EGFR: variants seen among roughly 807,000 people sequenced by gnomAD.
EGFR encodes epidermal growth factor receptor, also known as avian erythroblastic leukemia viral (v-erb-b) oncogene homolog.
EGFR carries 58 observed loss-of-function variants against 143.0 expected under a neutral mutation model. That is an observed-to-expected ratio of 0.41 (90% CI 0.33 to 0.50). EGFR has a LOEUF of 0.50. Ranked by LOEUF, EGFR falls within the 20% of genes least tolerant of loss-of-function variation. EGFR has a pLI of 0.39. For missense variants in EGFR, 1,307 were observed against 1,579.0 expected, an observed-to-expected ratio of 0.83 and a Z score of 2.92; for synonymous variants, 613 against 594.4, an observed-to-expected ratio of 1.03 and a Z score of -0.45.
intron 1 of EGFR, among the ~76,000 whole-genome samples, chr7:55,097,205 G>T (rs1187895973): frequency 6.6e-6 from 1 of 151,826 alleles, no homozygotes; most frequent in Non-Finnish European, 1.5e-5. Flanking sequence ...ACCCCCAGGT[G>T]ATTCTGGTGG....
intron 20 of EGFR, among the ~76,000 whole-genome samples, chr7:55,189,935 A>G (rs967836959): frequency 2.9e-4 from 44 of 152,292 alleles, no homozygotes; most frequent in African/African-American, 8.7e-4. Context: ...GCAGGAGTTC[A>G]TGATATTTAA....
Position 55,022,309 on chromosome 7 carries a change from C to T in EGFR, c.88+2944C>T, listed in dbSNP as rs530759333. Reference sequence around the variant, plus strand: ...AGGGAGCTTTGTGGAAATAAGCCCGCCCAGCCCCACTTCTGGAGACGTTCC... The same window carrying T: ...AGGGAGCTTTGTGGAAATAAGCCCGTCCAGCCCCACTTCTGGAGACGTTCC... On this transcript the variant is annotated intron_variant, in intron 1 of 27. Transcript: ENST00000275493. Among the ~76,000 whole-genome samples, 6 of 152,292 alleles carry T rather than the reference C, an allele frequency of 3.9e-5. No homozygotes were observed. The South Asian group carries it at 1.2e-3, about 32-fold the overall frequency.
intron 1 of EGFR, among the ~76,000 whole-genome samples, chr7:55,021,643 T>A (rs941979501): frequency 1.3e-5 from 2 of 152,182 alleles, no homozygotes; most frequent in Non-Finnish European, 2.9e-5. Context: ...CAGAAATTTG[T>A]TTAAGGCCTG....
At chr7:55,169,808 A>C (rs1786255225) in intron 15 of EGFR, among the ~76,000 whole-genome samples, 2 of 152,176 alleles carry the variant, frequency 1.3e-5, no homozygotes, top group South Asian at 4.2e-4. Context: ...CTTTCCCTAC[A>C]AGTCTGTCAC....
At chr7:55,190,531 TGC>T (rs1246486764) in intron 20 of EGFR, among the ~76,000 whole-genome samples, 3 of 152,106 alleles carry the variant, frequency 2.0e-5, no homozygotes, top group African/African-American at 7.2e-5. Context: ...AAAAACAATT[TGC>T]CAGAAAACTT....
intron 1 of EGFR, among the ~76,000 whole-genome samples, chr7:55,139,102 T>C (rs1035874384): frequency 2.0e-5 from 3 of 152,176 alleles, no homozygotes; most frequent in Admixed American, 2.0e-4. Context: ...GTTGCATTGG[T>C]GATTAAGTTT....
At chr7:55,110,690 G>A (rs888327423) in intron 1 of EGFR, among the ~76,000 whole-genome samples, 3 of 152,138 alleles carry the variant, frequency 2.0e-5, no homozygotes, top group South Asian at 2.1e-4. Context: ...TTTCCTGTTC[G>A]GATCCGGAAG....
chr7:55,168,331 A>G (rs193103530), intron 15 of EGFR, among the ~76,000 whole-genome samples: 1 of 152,352 alleles, frequency 6.6e-6, no homozygotes, highest in East Asian at 1.9e-4. Flanking sequence ...TCTCTATATC[A>G]GTATCTCTGT....
rs17172456 is a variant in EGFR at position 55,210,654 on chromosome 7, A to C, written c.*5037A>C. On this transcript the variant is annotated 3_prime_UTR_variant, in exon 28 of 28. Coordinates refer to ENST00000275493, the MANE Select transcript of EGFR (RefSeq NM_005228.5). The stretch of plus-strand genomic sequence containing the variant: ...CCTCCACATCTGTCGCTGAGAGTCA[A>C]GAACCTGAACAGAGTTTCCATGAAG... 4.2e-3 allele frequency: 635 copies of C among 152,374 alleles called. 4 individuals carry two copies. Among genetic ancestry groups the C allele is most frequent in the African/African-American group, 0.013 (555 of 41,576 alleles). 9.4% of individuals were successfully genotyped at this position (152,374 alleles called of 1,614,324 possible).
At chr7:55,072,210 G>A (rs1380189735) in intron 1 of EGFR, among the ~76,000 whole-genome samples, 8 of 152,086 alleles carry the variant, frequency 5.3e-5, no homozygotes, top group Admixed American at 5.2e-4. Flanking sequence ...ATCAGTTTAA[G>A]CGTTGTAGCT....
chr7:55,019,555 G>T (rs918930180), intron 1 of EGFR, among the ~76,000 whole-genome samples, 190 bp downstream of exon 1: 3 of 152,132 alleles, frequency 2.0e-5, no homozygotes, highest in African/African-American at 7.2e-5. Flanking sequence ...CTTCGGCCGG[G>T]AGAGTCTGGG....
chr7:55,125,303 G>A (rs1362537309), intron 1 of EGFR, among the ~76,000 whole-genome samples: 1 of 152,214 alleles, frequency 6.6e-6, no homozygotes, highest in Non-Finnish European at 1.5e-5. Flanking sequence ...CTAATTATTA[G>A]TCATAAGTTG....
chr7:55,125,835 T>C (rs569929422), intron 1 of EGFR, among the ~76,000 whole-genome samples: 4 of 152,210 alleles, frequency 2.6e-5, no homozygotes, highest in Non-Finnish European at 5.9e-5. Context: ...AGAGGCATTC[T>C]TAAAAACACA....
At chr7:55,061,994 A>G (rs1789212672) in intron 1 of EGFR, among the ~76,000 whole-genome samples, 2 of 152,182 alleles carry the variant, frequency 1.3e-5, no homozygotes, top group Admixed American at 1.3e-4. Flanking sequence ...TAACTGCTCA[A>G]GGCCATGGAA....
At chr7:55,062,866 A>C (rs1439229472) in intron 1 of EGFR, among the ~76,000 whole-genome samples, 1 of 152,116 alleles carries the variant, frequency 6.6e-6, no homozygotes, top group East Asian at 1.9e-4. Flanking sequence ...TACGAGATGA[A>C]TCTTACCATG....
rs117231319 is a variant in EGFR at position 55,021,843 on chromosome 7, G to C, written c.88+2478G>C. 4.7e-3 allele frequency among the ~76,000 whole-genome samples: 721 copies of C among 152,280 alleles called. 5 individuals are homozygous for C. The highest frequency in any genetic ancestry group is 0.032 in the South Asian group (152 of 4,824). The stretch of plus-strand genomic sequence containing the variant: ...ACTCTCCTCCTATGGGGGAAACTGA[G>C]GTACGAAGAACTAAAGTGACTTTCC... On this transcript the variant is annotated intron_variant, in intron 1 of 27. Transcript: ENST00000275493.
chr7:55,200,874 G>A (rs1044043395), intron 24 of EGFR: 26 of 492,444 alleles, frequency 5.3e-5, no homozygotes, highest in Non-Finnish European at 8.5e-5. Flanking sequence ...TGCAAAATAC[G>A]CTCCCTAACA....
At chr7:55,020,025 G>C (rs1281950589) in intron 1 of EGFR, among the ~76,000 whole-genome samples, 1 of 152,220 alleles carries the variant, frequency 6.6e-6, no homozygotes, top group Non-Finnish European at 1.5e-5. Context: ...GTGTGGAGTC[G>C]CAGCCTCGAC....
At chr7:55,106,390 C>T (rs1427976514) in intron 1 of EGFR, among the ~76,000 whole-genome samples, 2 of 152,360 alleles carry the variant, frequency 1.3e-5, no homozygotes, top group Admixed American at 6.5e-5. Context: ...TAGTAAGTCC[C>T]TCCAGTGGGG....
Sources: gnomAD v4.1 joint callset for allele counts (sites outside exome capture counted in the v4.1 genomes callset) on GRCh38, gnomAD v4.1.1 for gene constraint, MANE v1.5 for transcripts, NCBI Gene and HGNC (gene_info 2026-07-23, HGNC 2026-07-21) for gene names.